EYS: variants seen among roughly 807,000 people sequenced by gnomAD.
EYS encodes the protein protein eyes shut homolog.
In EYS, 250 loss-of-function variants were observed where a neutral mutation model predicts 282.1. The observed-to-expected ratio is 0.89, with a 90% CI of 0.80 to 0.98. The LOEUF (loss-of-function observed/expected upper bound fraction) is 0.98, where lower values mean the gene tolerates loss of function less well. Ranked by LOEUF, EYS falls within the 50% of genes least tolerant of loss-of-function variation. EYS has a pLI of 0.00. For synonymous variants in EYS, 1,355 were observed against 1,282.9 expected, an observed-to-expected ratio of 1.06 and a Z score of -1.20; for missense variants, 4,016 against 3,709.0, an observed-to-expected ratio of 1.08 and a Z score of -2.15.
At chr6:64,769,452 A>C (rs1344740464) in intron 22 of EYS, among the ~76,000 whole-genome samples, 1 of 152,034 alleles carries the variant, frequency 6.6e-6, no homozygotes, top group Non-Finnish European at 1.5e-5. Context: ...ATTTTAAATC[A>C]TAAGTTTAAA....
At chr6:64,656,031 G>GT in intron 22 of EYS, among the ~76,000 whole-genome samples, 1 of 152,000 alleles carries the variant, frequency 6.6e-6, no homozygotes, top group East Asian at 1.9e-4. Flanking sequence ...TCACTTTTAT[G>GT]TTTGCTTCTA....
At chr6:65,546,107 C>G (rs1582439742) in intron 2 of EYS, among the ~76,000 whole-genome samples, 1 of 149,436 alleles carries the variant, frequency 6.7e-6, no homozygotes, top group East Asian at 2.0e-4. Context: ...GCAGCCTGTA[C>G]TTCACAGGCT....
chr6:64,249,779 T>G (rs1198010357), intron 30 of EYS, among the ~76,000 whole-genome samples: 1 of 152,194 alleles, frequency 6.6e-6, no homozygotes, highest in Non-Finnish European at 1.5e-5. Flanking sequence ...AACTTGTACT[T>G]AACGGATAGA....
At chr6:64,363,808 A>G (rs1772102883) in intron 29 of EYS, among the ~76,000 whole-genome samples, 1 of 151,962 alleles carries the variant, frequency 6.6e-6, no homozygotes, top group Non-Finnish European at 1.5e-5. Flanking sequence ...CAGCAAAAAT[A>G]AATGCGAACA....
chr6:64,191,480 C>CT (rs1294397263), intron 31 of EYS, among the ~76,000 whole-genome samples: 3 of 144,174 alleles, frequency 2.1e-5, no homozygotes, highest in South Asian at 2.3e-4. Flanking sequence ...TATCCCTTCC[C>CT]CCCCCACCCC....
intron 6 of EYS, among the ~76,000 whole-genome samples, chr6:65,402,835 A>G (rs531539814): frequency 7.2e-5 from 11 of 152,182 alleles, no homozygotes; most frequent in Admixed American, 2.6e-4. Context: ...GTTAGCAACT[A>G]TATTCCCTTC....
At chr6:63,781,131 A>T (rs1770212047) in intron 39 of EYS, among the ~76,000 whole-genome samples, 1 of 152,180 alleles carries the variant, frequency 6.6e-6, no homozygotes, top group Admixed American at 6.5e-5. Flanking sequence ...TAGCAGTACC[A>T]TGCTGTTTTG....
chr6:64,933,618 C>G (rs1415403313), intron 15 of EYS, among the ~76,000 whole-genome samples: 1 of 152,116 alleles, frequency 6.6e-6, no homozygotes, highest in African/African-American at 2.4e-5. Context: ...TTTGAGCCAG[C>G]AATCCCATTA....
At chr6:65,339,077 C>T (rs1040125001) in intron 10 of EYS, among the ~76,000 whole-genome samples, 4 of 151,138 alleles carry the variant, frequency 2.6e-5, no homozygotes, top group African/African-American at 9.7e-5. Flanking sequence ...CTTTATCTTG[C>T]CATTTTGACC....
chr6:65,510,770 T>C (rs949495766), intron 2 of EYS, among the ~76,000 whole-genome samples: 3 of 152,234 alleles, frequency 2.0e-5, no homozygotes, highest in Non-Finnish European at 4.4e-5. Flanking sequence ...TGTATCAAAA[T>C]AAGGCATGTA....
chr6:64,870,141 A>T (rs773045470), intron 19 of EYS, among the ~76,000 whole-genome samples: 1 of 151,652 alleles, frequency 6.6e-6, no homozygotes, highest in Non-Finnish European at 1.5e-5. Context: ...TTTACACAAG[A>T]TGAGTAGGAA....
At chr6:64,354,938 C>T (rs1771772815) in intron 29 of EYS, among the ~76,000 whole-genome samples, 1 of 151,440 alleles carries the variant, frequency 6.6e-6, no homozygotes, top group African/African-American at 2.4e-5. Context: ...CAAGATATTC[C>T]TTAATATGGA....
intron 5 of EYS, among the ~76,000 whole-genome samples, chr6:65,439,098 T>G (rs537692787): frequency 1.3e-5 from 2 of 152,320 alleles, no homozygotes; most frequent in African/African-American, 2.4e-5. Flanking sequence ...CCTGCACCAT[T>G]TATTAAATAG....
At chr6:64,879,672 A>G (rs1385088867) in intron 19 of EYS, among the ~76,000 whole-genome samples, 1 of 152,130 alleles carries the variant, frequency 6.6e-6, no homozygotes, top group Non-Finnish European at 1.5e-5. Context: ...TCCTCAAATG[A>G]GCAAAAAATA....
At chr6:64,598,932 T>C (rs1226664684) in intron 24 of EYS, among the ~76,000 whole-genome samples, 1 of 152,194 alleles carries the variant, frequency 6.6e-6, no homozygotes, top group Non-Finnish European at 1.5e-5. Flanking sequence ...AATGTGAGTA[T>C]TTTAGGAAAG....
chr6:65,456,372 C>A (rs1478113173), intron 5 of EYS, among the ~76,000 whole-genome samples: 1 of 151,708 alleles, frequency 6.6e-6, no homozygotes, highest in Non-Finnish European at 1.5e-5. Context: ...ACCACTTGAA[C>A]CTGAGAGGCG....
chr6:64,591,896 A>G lies in EYS; in HGVS notation c.3971T>C (p.Leu1324Pro), dbSNP rs945529523. 2.6e-6 allele frequency: 4 copies of G among 1,550,422 alleles called. No homozygotes were observed. The highest frequency in any genetic ancestry group is 3.5e-6 in the Non-Finnish European group (4 of 1,146,254). ...CTCTCTAGTGACAATCAGTTCTTGG[A>G]GTAAGTAGCTTTCCAAGGGTGTGCT... ...RISTPLESYL[L>P]QELIVTRELS... Residue 1324 changes from leucine to proline, a missense_variant, in exon 26 of 43, where the codon CTC (leucine) becomes CCC (proline). Transcript: ENST00000503581.
At chr6:65,109,768 G>C (rs1320150957) in intron 12 of EYS, among the ~76,000 whole-genome samples, 1 of 151,698 alleles carries the variant, frequency 6.6e-6, no homozygotes, top group Non-Finnish European at 1.5e-5. Context: ...AATTTACTCT[G>C]CCTACCTACC....
intron 2 of EYS, among the ~76,000 whole-genome samples, chr6:65,611,761 T>C (rs1582517235): frequency 6.6e-6 from 1 of 151,990 alleles, no homozygotes; most frequent in Admixed American, 6.6e-5. Flanking sequence ...CTTTAAAAAA[T>C]ACTAATAAAA....
Sources: gnomAD v4.1 joint callset for allele counts (sites outside exome capture counted in the v4.1 genomes callset) on GRCh38, gnomAD v4.1.1 for gene constraint, MANE v1.5 for transcripts, NCBI Gene and HGNC (gene_info 2026-07-23, HGNC 2026-07-21) for gene names.